The following EIF4G3 variants were observed in gnomAD, a reference collection of about 807,000 sequenced individuals.
The protein encoded by EIF4G3 is eIF-4-gamma 3.
EIF4G3 carries 34 observed loss-of-function variants against 186.4 expected under a neutral mutation model. That is an observed-to-expected ratio of 0.18 (90% CI 0.14 to 0.24). EIF4G3 has a LOEUF of 0.24. Among genes scored for constraint, EIF4G3 ranks in the 10% least tolerant of loss-of-function variants. The pLI, the probability that EIF4G3 is intolerant of heterozygous loss-of-function variation, is 1.00. For missense variants in EIF4G3, 1,536 were observed against 1,948.5 expected (o/e 0.79, Z 3.99); for synonymous variants, 673 against 679.5 (o/e 0.99, Z 0.15).
intron 13 of EIF4G3, 147 bp downstream of exon 13, chr1:20,949,856 C>G: frequency 1.6e-6 from 1 of 619,746 alleles, no homozygotes; most frequent in East Asian, 3.2e-5. Flanking sequence ...AGGCAGAATA[C>G]TTTAATTTTC....
In EIF4G3 at chr1:20,893,626, G is replaced by T. The variant is rs935687390; in HGVS notation, c.2144C>A (p.Pro715His). ...SDVVLDKINQPKLPMRTLDPR... is the reference protein window; with the variant it reads ...SDVVLDKINQHKLPMRTLDPR... ...ATCCAGAGTTCGCATTGGCAATTTGGGTTGGTTGATCTGCATGAAAAAGCA... is the reference window on the plus strand; with the variant it reads ...ATCCAGAGTTCGCATTGGCAATTTGTGTTGGTTGATCTGCATGAAAAAGCA... Residue 715 changes from proline (P) to histidine (H), a missense_variant, in exon 18 of 37, where the codon CCC becomes CAC. Physicochemically the swap from Pro to His is moderately conservative, Grantham distance 77. Around this residue, in one of 11 missense-constraint regions of EIF4G3, gnomAD observed 139 missense variants for 192.8 expected, o/e 0.72. Coordinates refer to ENST00000602326, the MANE Select transcript of EIF4G3 (RefSeq NM_001391906.1). The T allele has an allele frequency of 1.3e-6, 2 of 1,565,410 alleles. No homozygotes were observed. Among genetic ancestry groups the T allele is most frequent in the Non-Finnish European group, 1.7e-6 (2 of 1,144,460 alleles).
chr1:21,003,267 C>CA, intron 4 of EIF4G3, among the ~76,000 whole-genome samples: 1 of 151,598 alleles, frequency 6.6e-6, no homozygotes, highest in South Asian at 2.1e-4. Flanking sequence ...CTTGGCTTCC[C>CA]AAAGCACCTG....
intron 2 of EIF4G3, among the ~76,000 whole-genome samples, chr1:21,120,665 A>G (rs186838944): frequency 2.6e-5 from 4 of 152,100 alleles, no homozygotes; most frequent in Admixed American, 2.6e-4. Flanking sequence ...ACAAATACAT[A>G]TAGTCTTCAG....
chr1:20,905,651 A>G (rs1023300442), intron 14 of EIF4G3, among the ~76,000 whole-genome samples: 1 of 152,228 alleles, frequency 6.6e-6, no homozygotes, highest in African/African-American at 2.4e-5. Flanking sequence ...AAGGGCTTTA[A>G]AAAATTCATC....
intron 25 of EIF4G3, among the ~76,000 whole-genome samples, chr1:20,855,908 T>C (rs2074762839): frequency 6.6e-6 from 1 of 152,170 alleles, no homozygotes; most frequent in Non-Finnish European, 1.5e-5. Flanking sequence ...ATTAAGGTAG[T>C]AATGTTGGAG....
In EIF4G3 at chr1:21,176,741, A is replaced by G; in HGVS notation, c.-475T>C. The G allele has an allele frequency of 1.4e-6, 1 of 696,922 alleles. No individual in the cohort carries two copies. The highest frequency in any genetic ancestry group is 2.6e-6 in the Non-Finnish European group (1 of 382,636). The allele number at this position is 696,922 out of a possible 1,614,324, so 43.2% of individuals were successfully genotyped here. Reference sequence around the variant, plus strand: ...CCGGACCTTTCACGGCAATATCCTCATGGGCCGGCGGCGGGGGATCTTTAT... The same window carrying G: ...CCGGACCTTTCACGGCAATATCCTCGTGGGCCGGCGGCGGGGGATCTTTAT... On this transcript the variant is annotated 5_prime_UTR_variant, in exon 1 of 37. An upstream start codon of the reference 5' UTR is lost. Transcript: ENST00000602326.
intron 14 of EIF4G3, among the ~76,000 whole-genome samples, chr1:20,926,385 A>G (rs2094889742): frequency 6.6e-6 from 1 of 152,270 alleles, no homozygotes; most frequent in East Asian, 1.9e-4. Flanking sequence ...AGCTACTATT[A>G]TTAAAATCAA....
chr1:21,030,558 T>C (rs934562355), intron 4 of EIF4G3, among the ~76,000 whole-genome samples: 6 of 152,178 alleles, frequency 3.9e-5, no homozygotes, highest in Non-Finnish European at 7.3e-5. Flanking sequence ...AGTATATCTT[T>C]ACCAGCACCC....
chr1:20,829,023 AGTCACAG>A (rs2064390760), intron 31 of EIF4G3, 117 bp downstream of exon 31: 1 of 1,000,814 alleles, frequency 1.0e-6, no homozygotes, highest in African/African-American at 1.6e-5. Context: ...AGTCTTAAAG[AGTCACAG>A]CCTGCATTCA....
chr1:20,863,378 T>TAAAAAAAAAAAAAAAAAAAAAAAAAAAAA (rs3051243), intron 22 of EIF4G3, among the ~76,000 whole-genome samples: 3 of 102,494 alleles, frequency 2.9e-5, no homozygotes, highest in African/African-American at 8.2e-5. Context: ...CTACAAAAAG[T>TAAAAAAAAAAAAAAAAAAAAAAAAAAAAA]AAAAAAAAAA....
At chr1:21,119,763 C>G (rs970095419) in intron 2 of EIF4G3, among the ~76,000 whole-genome samples, 2 of 152,010 alleles carry the variant, frequency 1.3e-5, no homozygotes, top group African/African-American at 2.4e-5. Flanking sequence ...AGAGAAAGGA[C>G]TAGGATACAA....
chr1:20,965,859 G>GTGA (rs1262177505), intron 12 of EIF4G3, among the ~76,000 whole-genome samples: 2 of 152,268 alleles, frequency 1.3e-5, no homozygotes, highest in Non-Finnish European at 2.9e-5. Context: ...TCCTCTCTGT[G>GTGA]TGATAGGTTT....
chr1:21,119,018 T>C (rs534306699), intron 2 of EIF4G3, among the ~76,000 whole-genome samples: 1 of 151,790 alleles, frequency 6.6e-6, no homozygotes, highest in African/African-American at 2.4e-5. Flanking sequence ...TCTGCATTAC[T>C]GGAAATTTTC....
chr1:20,955,225 G>A (rs779638785), intron 12 of EIF4G3, among the ~76,000 whole-genome samples: 3 of 135,278 alleles, frequency 2.2e-5, no homozygotes, highest in Admixed American at 8.0e-5. Context: ...TCAGATTTGT[G>A]TTTTATTTTT....
rs1571323408 is a variant in EIF4G3, at chr1:20,834,797, A to G, written c.4062-5525T>C. Among the ~76,000 whole-genome samples, 5 of 152,230 alleles carry G rather than the reference A, an allele frequency of 3.3e-5. No homozygotes were observed. In the South Asian group the frequency reaches 8.3e-4, roughly 25 times the overall value. ...AATACAGCAAGAGCAGGGGACCTCA[A>G]TACCCTTCTTTAGACAATGAACAAC... is the stretch of plus-strand genomic sequence containing the variant. On this transcript the variant is annotated intron_variant, in intron 30 of 36. Transcript: ENST00000602326.
At chr1:20,883,205 G>A (rs1032847572) in intron 19 of EIF4G3, among the ~76,000 whole-genome samples, 3 of 152,244 alleles carry the variant, frequency 2.0e-5, no homozygotes, top group African/African-American at 7.2e-5. Context: ...TCTAGTTGCA[G>A]GGACAATACA....
chr1:21,003,747 T>C, intron 4 of EIF4G3: 1 of 452,428 alleles, frequency 2.2e-6, no homozygotes, highest in Non-Finnish European at 4.4e-6. Context: ...GCCTGTGAGG[T>C]TCACAACAAT....
intron 3 of EIF4G3, among the ~76,000 whole-genome samples, chr1:21,076,399 AAG>A (rs1233887576): frequency 6.6e-6 from 1 of 152,182 alleles, no homozygotes; most frequent in African/African-American, 2.4e-5. Context: ...AAAAAGCAGA[AAG>A]AAAAGCAAAA....
At chr1:20,954,707 ACT>A (rs2096354582) in intron 12 of EIF4G3, among the ~76,000 whole-genome samples, 1 of 152,142 alleles carries the variant, frequency 6.6e-6, no homozygotes. Context: ...TGTACAAAAC[ACT>A]ATGAATCTAC....
Sources: gnomAD v4.1 joint callset for allele counts (sites outside exome capture counted in the v4.1 genomes callset) on GRCh38, gnomAD v4.1.1 for gene constraint, gnomAD v4.1.1 regional missense constraint, MANE v1.5 for transcripts, NCBI Gene and HGNC (gene_info 2026-07-23, HGNC 2026-07-21) for gene names.